The following BBS9 variants were observed in gnomAD, a reference collection of about 807,000 sequenced individuals.
BBS9 encodes the protein Bardet-Biedl syndrome 9.
BBS9 carries 89 observed loss-of-function variants against 117.7 expected under a neutral mutation model. The observed-to-expected ratio is 0.76, with a 90% confidence interval of 0.64 to 0.90. BBS9 has a LOEUF of 0.90. Ranked by LOEUF, BBS9 falls within the 40% of genes least tolerant of loss-of-function variation. The pLI is 0.00. For missense variants in BBS9, 982 were observed against 1,042.2 expected (o/e 0.94, Z 0.80); for synonymous variants, 379 against 370.9 (o/e 1.02, Z -0.25).
intron 19 of BBS9, among the ~76,000 whole-genome samples, chr7:33,461,594 A>G (rs1394360190): frequency 6.6e-6 from 1 of 151,932 alleles, no homozygotes; most frequent in Non-Finnish European, 1.5e-5. Flanking sequence ...GCTCTTCCCT[A>G]AGATAGCAGA....
chr7:33,264,023 A>G (rs1798394476), intron 6 of BBS9, among the ~76,000 whole-genome samples: 1 of 152,034 alleles, frequency 6.6e-6, no homozygotes, highest in Non-Finnish European at 1.5e-5. Context: ...ATAAAATTCT[A>G]ATGGAAGTGC....
chr7:33,571,737 A>G (rs1284929073), intron 21 of BBS9, among the ~76,000 whole-genome samples: 1 of 152,048 alleles, frequency 6.6e-6, no homozygotes, highest in African/African-American at 2.4e-5. Context: ...TAAATTTTAC[A>G]TTCATCAGGC....
chr7:33,205,040 G>C (rs1786645798), intron 5 of BBS9, among the ~76,000 whole-genome samples: 1 of 152,182 alleles, frequency 6.6e-6, no homozygotes, highest in African/African-American at 2.4e-5. Flanking sequence ...CTAAGAGGCA[G>C]CCCAATGAAT....
At chr7:33,332,675 T>C (rs1814359247) in intron 9 of BBS9, among the ~76,000 whole-genome samples, 1 of 76,428 alleles carries the variant, frequency 1.3e-5, no homozygotes, top group Admixed American at 1.8e-4. Context: ...AGGCTCCATG[T>C]CAAAACAACA....
intron 7 of BBS9, among the ~76,000 whole-genome samples, chr7:33,268,085 C>T (rs1799120876): frequency 6.6e-6 from 1 of 152,182 alleles, no homozygotes; most frequent in Non-Finnish European, 1.5e-5. Context: ...CTTCTTAGTA[C>T]TGTACCAATT....
intron 3 of BBS9, among the ~76,000 whole-genome samples, chr7:33,153,894 A>G (rs965792135): frequency 6.6e-6 from 1 of 152,218 alleles, no homozygotes; most frequent in South Asian, 2.1e-4. Context: ...AGGACATATT[A>G]GGTGTGATGG....
chr7:33,502,707 C>G (rs1172000818), intron 19 of BBS9, among the ~76,000 whole-genome samples: 1 of 152,104 alleles, frequency 6.6e-6, no homozygotes, highest in African/African-American at 2.4e-5. Context: ...TCCTAAGGCC[C>G]CCTACACTCA....
At chr7:33,597,520 G>A (rs1863049408) in intron 21 of BBS9, among the ~76,000 whole-genome samples, 1 of 152,102 alleles carries the variant, frequency 6.6e-6, no homozygotes, top group African/African-American at 2.4e-5. Flanking sequence ...CCAATACCCA[G>A]TTTATTACAA....
chr7:33,620,355 A>G lies in BBS9; in HGVS notation c.2522-14822A>G, dbSNP rs553789081. 3.3e-5 allele frequency among the ~76,000 whole-genome samples: 5 copies of G among 152,168 alleles called. No individual in the cohort carries two copies. The South Asian group carries it at 1.0e-3, about 32-fold the overall frequency. On this transcript the variant is annotated intron_variant, in intron 21 of 21. Coordinates refer to the BBS9 transcript ENST00000671952. ...TAGGACTCCTTAAAAAAACTGTTAA[A>G]TAAACCCTTAAGACTCCTTTTAAAA...
At chr7:33,385,738 T>C (rs1426746290) in intron 18 of BBS9, among the ~76,000 whole-genome samples, 1 of 152,060 alleles carries the variant, frequency 6.6e-6, no homozygotes, top group Non-Finnish European at 1.5e-5. Flanking sequence ...TTTTAAAAAC[T>C]TTATTTTAAA....
At chr7:33,433,375 G>A (rs1323224706) in intron 19 of BBS9, among the ~76,000 whole-genome samples, 1 of 152,216 alleles carries the variant, frequency 6.6e-6, no homozygotes, top group East Asian at 1.9e-4. Context: ...AGCAACAATT[G>A]TTACTGATTT....
chr7:33,277,499 C>T (rs964188271), intron 9 of BBS9, among the ~76,000 whole-genome samples: 11 of 152,158 alleles, frequency 7.2e-5, no homozygotes, highest in African/African-American at 2.2e-4. Flanking sequence ...GTTGCACAAA[C>T]AAAATCAATT....
intron 5 of BBS9, among the ~76,000 whole-genome samples, chr7:33,256,137 G>A (rs1797021666): frequency 1.3e-5 from 2 of 152,086 alleles, no homozygotes; most frequent in South Asian, 4.1e-4. Flanking sequence ...TGGCAACAGA[G>A]TGAGACTCTG....
intron 9 of BBS9, among the ~76,000 whole-genome samples, chr7:33,306,044 T>A (rs1807864448): frequency 1.3e-5 from 2 of 152,026 alleles, no homozygotes; most frequent in Non-Finnish European, 2.9e-5. Flanking sequence ...ATTTTTGTTT[T>A]TGCTTTGTAT....
intron 17 of BBS9, among the ~76,000 whole-genome samples, chr7:33,368,265 T>C (rs760653283): frequency 1.1e-4 from 17 of 152,196 alleles, no homozygotes; most frequent in Non-Finnish European, 2.2e-4. Context: ...TTTGTTTGCA[T>C]ATATTCTTGT....
chr7:33,597,932 T>G (rs1156249770), intron 21 of BBS9, among the ~76,000 whole-genome samples: 1 of 149,356 alleles, frequency 6.7e-6, no homozygotes, highest in East Asian at 2.0e-4. Context: ...AAATGCACGG[T>G]GTGCTGAGCG....
chr7:33,578,801 T>C (rs539762770), intron 21 of BBS9, among the ~76,000 whole-genome samples: 1 of 152,326 alleles, frequency 6.6e-6, no homozygotes, highest in South Asian at 2.1e-4. Flanking sequence ...GTATATAAGC[T>C]TTCATATTTC....
At chr7:33,631,591 T>A (rs1437730425) in intron 21 of BBS9, among the ~76,000 whole-genome samples, 1 of 152,222 alleles carries the variant, frequency 6.6e-6, no homozygotes, top group Non-Finnish European at 1.5e-5. Flanking sequence ...TGGACGCAAC[T>A]TGGCCATCTG....
At chr7:33,586,923 A>G (rs909041079) in intron 21 of BBS9, among the ~76,000 whole-genome samples, 1 of 152,096 alleles carries the variant, frequency 6.6e-6, no homozygotes, top group African/African-American at 2.4e-5. Flanking sequence ...GTGAAGGTTA[A>G]TAAAAGCTAC....
Sources: allele counts gnomAD v4.1 joint callset (sites outside exome capture counted in the v4.1 genomes callset), GRCh38; gene constraint gnomAD v4.1.1; transcripts MANE v1.5; gene names NCBI Gene and HGNC (gene_info 2026-07-23, HGNC 2026-07-21).